The following MYO1B variants were observed in gnomAD, a reference collection of about 807,000 sequenced individuals.
MYO1B encodes the protein myosin IB, also known as unconventional myosin-Ib.
Under a neutral mutation model 159.7 loss-of-function variants are expected in MYO1B, and 72 were observed. The ratio of observed to expected loss-of-function variants is 0.45; its 90% confidence interval spans 0.37 to 0.55. The LOEUF is 0.55. MYO1B is among the 20% of genes least tolerant of loss of function. MYO1B has a pLI of 0.00. For missense variants in MYO1B, 1,062 were observed against 1,364.8 expected, an observed-to-expected ratio of 0.78 and a Z score of 3.50; for synonymous variants, 468 against 473.8, an observed-to-expected ratio of 0.99 and a Z score of 0.16.
At chr2:191,390,203 G>A in intron 17 of MYO1B, 89 bp from the exon 18 acceptor site, 1 of 1,188,534 alleles carries the variant, frequency 8.4e-7, no homozygotes, top group Non-Finnish European at 1.2e-6. Flanking sequence ...GTTTTGCTAT[G>A]AAACAGTTAT....
At chr2:191,358,485 G>C (rs1317472519) in intron 7 of MYO1B, among the ~76,000 whole-genome samples, 1 of 152,156 alleles carries the variant, frequency 6.6e-6, no homozygotes, top group Admixed American at 6.5e-5. Context: ...TATTATTCTT[G>C]AACTTGGTGG....
chr2:191,295,721 G>T (rs1265333146), intron 2 of MYO1B, among the ~76,000 whole-genome samples: 2 of 152,136 alleles, frequency 1.3e-5, no homozygotes, highest in Non-Finnish European at 2.9e-5. Context: ...GGTGGAAAAA[G>T]ATGAGAGAAG....
At chr2:191,260,269 A>ATTTTTTTTTTTTTTTTTTTTTTTTTTT (rs1574281122) in intron 1 of MYO1B, among the ~76,000 whole-genome samples, 1 of 19,396 alleles carries the variant, frequency 5.2e-5, no homozygotes, top group Non-Finnish European at 6.7e-4. Flanking sequence ...TTTTTTTTTG[A>ATTTTTTTTTTTTTTTTTTTTTTTTTTT]ATTAAAGCTA....
At chr2:191,289,252 G>A (rs1438473176) in intron 2 of MYO1B, among the ~76,000 whole-genome samples, 2 of 152,172 alleles carry the variant, frequency 1.3e-5, no homozygotes, top group African/African-American at 4.8e-5. Context: ...AGTTTCCTCC[G>A]TTCTTCTTGC....
intron 13 of MYO1B, among the ~76,000 whole-genome samples, chr2:191,376,279 A>C (rs1028840701): frequency 6.6e-6 from 1 of 152,156 alleles, no homozygotes; most frequent in Non-Finnish European, 1.5e-5. Context: ...TGGTTTTCTC[A>C]TATATTTTGA....
intron 7 of MYO1B, among the ~76,000 whole-genome samples, chr2:191,351,843 C>T (rs1317210155): frequency 6.6e-6 from 1 of 152,154 alleles, no homozygotes; most frequent in South Asian, 2.1e-4. Context: ...CAAGATTGAG[C>T]CACTGCGCTC....
chr2:191,424,048 G>A lies in MYO1B; in HGVS notation c.*88G>A. ...TTATTTGGGGTTCATTGTATGTTTGGGAATCACCAAAGGCTTTTAGAGTTC... is the reference window on the plus strand; with the variant it reads ...TTATTTGGGGTTCATTGTATGTTTGAGAATCACCAAAGGCTTTTAGAGTTC... On this transcript the variant is annotated 3_prime_UTR_variant, in exon 31 of 31. Transcript: ENST00000392318. 4.2e-6 allele frequency: 6 copies of A among 1,433,398 alleles called. No individual in the cohort carries two copies. The highest frequency in any genetic ancestry group is 2.2e-5 in the Admixed American group (1 of 44,984). 88.8% of individuals were successfully genotyped at this position (1,433,398 alleles called of 1,614,324 possible). A position where few individuals can be genotyped will look rare whatever the true frequency, so the allele number is the denominator to read the frequency against.
intron 3 of MYO1B, among the ~76,000 whole-genome samples, chr2:191,296,448 A>G (rs1437113624): frequency 2.0e-5 from 3 of 152,220 alleles, no homozygotes; most frequent in African/African-American, 7.2e-5. Context: ...TGGATTCAGG[A>G]TGTAAAATAT....
intron 1 of MYO1B, among the ~76,000 whole-genome samples, chr2:191,248,407 A>G (rs1293248298): frequency 2.0e-5 from 3 of 152,314 alleles, no homozygotes; most frequent in East Asian, 1.9e-4. Flanking sequence ...CATTTAATAC[A>G]CTTAATCTAC....
chr2:191,323,323 C>T (rs1690849679), intron 3 of MYO1B, among the ~76,000 whole-genome samples: 1 of 152,094 alleles, frequency 6.6e-6, no homozygotes, highest in African/African-American at 2.4e-5. Context: ...TGCCTGACCT[C>T]TTGGGAATGC....
chr2:191,380,348 T>A (rs1311877176), intron 13 of MYO1B, among the ~76,000 whole-genome samples: 18 of 152,186 alleles, frequency 1.2e-4, no homozygotes. Flanking sequence ...CAAGGAGCAG[T>A]GAGCTTTGGC....
intron 29 of MYO1B, 48 bp from the exon 30 acceptor site, chr2:191,416,067 C>T (rs771174678): frequency 1.3e-6 from 2 of 1,585,746 alleles, no homozygotes; most frequent in African/African-American, 2.7e-5. Context: ...AAATATTGAC[C>T]TTCTAAGGTA....
chr2:191,367,294 G>A (rs920803973), intron 11 of MYO1B, among the ~76,000 whole-genome samples: 3 of 152,172 alleles, frequency 2.0e-5, no homozygotes, highest in Non-Finnish European at 2.9e-5. Flanking sequence ...TTGGCAGCCA[G>A]GTGGCAAATT....
At chr2:191,279,648 G>T (rs1687938445) in intron 2 of MYO1B, among the ~76,000 whole-genome samples, 2 of 152,012 alleles carry the variant, frequency 1.3e-5, no homozygotes, top group African/African-American at 4.8e-5. Flanking sequence ...TTTGTTCATG[G>T]GTTGCTGCAA....
intron 3 of MYO1B, among the ~76,000 whole-genome samples, chr2:191,298,524 G>T (rs746950771): frequency 6.6e-6 from 1 of 152,136 alleles, no homozygotes; most frequent in Non-Finnish European, 1.5e-5. Context: ...CATAAGCCAG[G>T]AATCTACATT....
At chr2:191,365,388 T>A (rs1693943049) in intron 11 of MYO1B, among the ~76,000 whole-genome samples, 1 of 152,232 alleles carries the variant, frequency 6.6e-6, no homozygotes, top group African/African-American at 2.4e-5. Context: ...AGAATGCCTT[T>A]ATGTCTTTAG....
intron 3 of MYO1B, among the ~76,000 whole-genome samples, chr2:191,305,334 A>T (rs1689585046): frequency 6.6e-6 from 1 of 152,218 alleles, no homozygotes; most frequent in African/African-American, 2.4e-5. Context: ...GGAAGTTAGC[A>T]AAGCCAGGGA....
At chr2:191,366,362 T>A (rs114976573) in intron 11 of MYO1B, among the ~76,000 whole-genome samples, 1 of 152,136 alleles carries the variant, frequency 6.6e-6, no homozygotes, top group African/African-American at 2.4e-5. Context: ...GATCCTCAGC[T>A]ATTCGGCTCC....
intron 2 of MYO1B, among the ~76,000 whole-genome samples, chr2:191,282,992 C>T (rs2356355): frequency 0.99 from 150,427 of 152,348 alleles, 74,292 homozygotes; most frequent in East Asian, 1. Context: ...GTGTTTGAAA[C>T]GGAGACACAG....
Sources: allele counts gnomAD v4.1 joint callset (sites outside exome capture counted in the v4.1 genomes callset), GRCh38; gene constraint gnomAD v4.1.1; transcripts MANE v1.5; gene names NCBI Gene and HGNC (gene_info 2026-07-23, HGNC 2026-07-21).